GPAM: variants seen among roughly 807,000 people sequenced by gnomAD.
The protein encoded by GPAM is glycerol-3-phosphate acyltransferase 1, mitochondrial.
GPAM carries 56 observed loss-of-function variants against 105.0 expected under a neutral mutation model. That is an observed-to-expected ratio of 0.53 (90% CI 0.43 to 0.67). GPAM has a LOEUF of 0.67. Ranked by LOEUF, GPAM falls within the 30% of genes least tolerant of loss-of-function variation. GPAM has a pLI of 0.00. For synonymous variants in GPAM, 368 were observed against 354.4 expected (o/e 1.04, Z -0.43); for missense variants, 855 against 989.8 (o/e 0.86, Z 1.83).
At chr10:112,220,291 T>C (rs1180839229), upstream of GPAM, among the ~76,000 whole-genome samples, 1 of 146,874 alleles carries the variant, frequency 6.8e-6, no homozygotes, top group South Asian at 2.1e-4. Flanking sequence ...ATTTGTGTAA[T>C]AAAATTCCTG....
chr10:112,200,401 C>T (rs1847784361), intron 1 of GPAM, among the ~76,000 whole-genome samples: 1 of 151,858 alleles, frequency 6.6e-6, no homozygotes, highest in Non-Finnish European at 1.5e-5. Flanking sequence ...TATCATCCCA[C>T]TTCAGCCTCT....
intron 12 of GPAM, among the ~76,000 whole-genome samples, chr10:112,166,190 A>G (rs1173889112): frequency 6.6e-6 from 1 of 152,202 alleles, no homozygotes; most frequent in Non-Finnish European, 1.5e-5. Flanking sequence ...GTCGAGCCTG[A>G]TATCTCCCAA....
rs571473376 is a variant in GPAM, at chr10:112,210,675, G to T, written n.210+4493C>A. ...AGATGCTGATATCTCCATTCTTTCA[G>T]GGGCCTGAGGCTAACTAAGCATTTC... On this transcript the variant is annotated intron_variant and non_coding_transcript_variant, in intron 1 of 3. Coordinates refer to the GPAM transcript ENST00000480130. Among the ~76,000 whole-genome samples, 8 of 152,342 alleles carry T rather than the reference G, an allele frequency of 5.3e-5. 1 individual carries two copies. Among genetic ancestry groups the T allele is most frequent in the African/African-American group, 1.9e-4 (8 of 41,590 alleles).
chr10:112,216,053 T>C (rs971181579), upstream of GPAM, among the ~76,000 whole-genome samples: 3 of 152,190 alleles, frequency 2.0e-5, no homozygotes, highest in Admixed American at 6.5e-5. Context: ...GCTGTGTCCA[T>C]GTGACTTTAA....
In GPAM at chr10:112,150,009, T is replaced by C. The variant is rs1481655082; in HGVS notation, c.*3541A>G. On this transcript the variant is annotated 3_prime_UTR_variant, in exon 22 of 22. Transcript: ENST00000348367. The stretch of plus-strand genomic sequence containing the variant: ...ATTTCACAGTACCTTATAGTAATTC[T>C]TTTCACGAGTCTTAACATTTCTTTG... The C allele has an allele frequency of 1.5e-5, 15 of 984,430 alleles. No homozygotes were observed. The highest frequency in any genetic ancestry group is 1.6e-5 in the Non-Finnish European group (13 of 828,758). The allele number at this position is 984,430 out of a possible 1,614,324, so 61.0% of individuals were successfully genotyped here.
chr10:112,154,242 C>T (rs748153887), intron 21 of GPAM: 3 of 248,726 alleles, frequency 1.2e-5, no homozygotes, highest in Admixed American at 1.0e-4. Flanking sequence ...GGATTAGAGA[C>T]GCTCAACCTG....
Position 112,161,757 on chromosome 10 carries a change from C to T in GPAM, c.1424-20G>A. 6.2e-7 allele frequency: 1 copy of T among 1,608,836 alleles called. No individual in the cohort carries two copies. The highest frequency in any genetic ancestry group is 1.1e-5 in the South Asian group (1 of 90,912). On this transcript the variant is annotated intron_variant, in intron 14 of 21. Transcript: ENST00000348367. ...TAGCAGCTGGAAGGCAAACACAAAGCTTTTTTTAGTTGCACTTTTTACAAA... is the reference window on the plus strand; with the variant it reads ...TAGCAGCTGGAAGGCAAACACAAAGTTTTTTTTAGTTGCACTTTTTACAAA...
At chr10:112,223,146 C>T in the GPAM span, among the ~76,000 whole-genome samples, 1 of 152,176 alleles carries the variant, frequency 6.6e-6, no homozygotes, top group African/African-American at 2.4e-5. Context: ...CCTAATCCTT[C>T]CTTTGCTCTC....
intron 13 of GPAM, 133 bp from the exon 14 acceptor site, chr10:112,163,949 C>A (rs1589583866): frequency 1.5e-6 from 1 of 687,146 alleles, no homozygotes; most frequent in Non-Finnish European, 2.6e-6. Flanking sequence ...CAGATTATTT[C>A]TATGGCTTAT....
At chr10:112,204,436 A>AG (rs1564690876) in intron 1 of GPAM, among the ~76,000 whole-genome samples, 1 of 151,802 alleles carries the variant, frequency 6.6e-6, no homozygotes, top group Non-Finnish European at 1.5e-5. Flanking sequence ...GAAGAAGAGT[A>AG]GGTTGTAAAG....
At chr10:112,195,108 G>A (rs1224725540) in intron 1 of GPAM, among the ~76,000 whole-genome samples, 6 of 151,686 alleles carry the variant, frequency 4.0e-5, no homozygotes, top group South Asian at 2.1e-4. Context: ...CAGCCAGACC[G>A]AGCATTTGAA....
chr10:112,225,787 A>G, the GPAM span, among the ~76,000 whole-genome samples: 4 of 152,098 alleles, frequency 2.6e-5, no homozygotes, highest in African/African-American at 9.7e-5. Flanking sequence ...TTGTCTATCA[A>G]CTATCCCCCT....
In GPAM at chr10:112,152,091, CAG is replaced by C. The variant is rs1056692380; in HGVS notation, c.*1457_*1458del. Reference sequence around the variant, plus strand: ...ACACACATTACTCATGAGATACTATCAGTGTTTAAAATCCAAGCTTATGGAAG... The same window carrying C: ...ACACACATTACTCATGAGATACTATCTGTTTAAAATCCAAGCTTATGGAAG... On this transcript the variant is annotated 3_prime_UTR_variant, in exon 22 of 22. Transcript: ENST00000348367. The C allele has an allele frequency of 5.1e-6, 5 of 982,574 alleles. No homozygotes were observed. In the African/African-American group the frequency reaches 8.7e-5, roughly 17 times the overall value. 60.9% of individuals were successfully genotyped at this position (982,574 alleles called of 1,614,324 possible).
chr10:112,154,489 C>G (rs1846979053), intron 21 of GPAM, 140 bp downstream of exon 21: 1 of 699,096 alleles, frequency 1.4e-6, no homozygotes. Context: ...ATGCCCCGTT[C>G]CCAAAAATGC....
In GPAM at chr10:112,150,079, A is replaced by G; in HGVS notation, c.*3471T>C. On this transcript the variant is annotated 3_prime_UTR_variant, in exon 22 of 22. Transcript: ENST00000348367. ...AATACCTTCCATCAAGACATTTCAGAGCTCTAGACGTTTAGAAATAAGGTC... is the reference window on the plus strand; with the variant it reads ...AATACCTTCCATCAAGACATTTCAGGGCTCTAGACGTTTAGAAATAAGGTC... 1 of 984,648 alleles carries G rather than the reference A, an allele frequency of 1.0e-6. No homozygotes were observed. The highest frequency in any genetic ancestry group is 1.2e-6 in the Non-Finnish European group (1 of 829,174). 61.0% of individuals were successfully genotyped at this position (984,648 alleles called of 1,614,324 possible).
chr10:112,153,173 C>G lies in GPAM; in HGVS notation c.*377G>C, dbSNP rs1202210871. The G allele has an allele frequency of 1.8e-6, 2 of 1,089,540 alleles. No homozygotes were observed. Among genetic ancestry groups the G allele is most frequent in the Non-Finnish European group, 2.2e-6 (2 of 889,058 alleles). 67.5% of individuals were successfully genotyped at this position (1,089,540 alleles called of 1,614,324 possible). On this transcript the variant is annotated 3_prime_UTR_variant, in exon 22 of 22. Transcript: ENST00000348367. ...AAATTACCCAGCAGCACTAAGTATACCATGTAAGATTCAGTTCCAGAACAC... is the reference window on the plus strand; with the variant it reads ...AAATTACCCAGCAGCACTAAGTATAGCATGTAAGATTCAGTTCCAGAACAC...
At chr10:112,193,358 G>A (rs1417775170) in intron 1 of GPAM, among the ~76,000 whole-genome samples, 2 of 152,188 alleles carry the variant, frequency 1.3e-5, no homozygotes, top group Non-Finnish European at 2.9e-5. Context: ...TGAGAAACAG[G>A]GAGATACCAT....
chr10:112,156,245 T>C (rs895679398), intron 19 of GPAM, 192 bp from the exon 20 acceptor site: 5 of 616,366 alleles, frequency 8.1e-6, no homozygotes, highest in Non-Finnish European at 1.5e-5. Flanking sequence ...TTCAAACACA[T>C]TCTTTATTGT....
At chr10:112,167,852 T>C (rs1847245724) in intron 11 of GPAM, among the ~76,000 whole-genome samples, 1 of 152,192 alleles carries the variant, frequency 6.6e-6, no homozygotes, top group Admixed American at 6.5e-5. Flanking sequence ...CTATTATACT[T>C]CAATAAAAAG....
Sources: allele counts gnomAD v4.1 joint callset (sites outside exome capture counted in the v4.1 genomes callset), GRCh38; gene constraint gnomAD v4.1.1; transcripts MANE v1.5; gene names NCBI Gene and HGNC (gene_info 2026-07-23, HGNC 2026-07-21).